SND1: variants seen among roughly 807,000 people sequenced by gnomAD.
SND1 encodes staphylococcal nuclease and tudor domain containing 1.
In SND1, 38 loss-of-function variants were observed where a neutral mutation model predicts 121.7. That is an observed-to-expected ratio of 0.31 (90% CI 0.24 to 0.41). SND1 has a LOEUF of 0.41. SND1 is among the 10% of genes least tolerant of loss of function. The probability of loss-of-function intolerance (pLI) is 1.00; values close to 1 mark genes in which losing one functional copy is unlikely to be tolerated. For synonymous variants in SND1, 401 were observed against 447.4 expected (o/e 0.90, Z 1.31); for missense variants, 868 against 1,184.6 (o/e 0.73, Z 3.92).
At chr7:127,939,344 A>G (rs1485040753) in intron 15 of SND1, among the ~76,000 whole-genome samples, 1 of 152,254 alleles carries the variant, frequency 6.6e-6, no homozygotes, top group Non-Finnish European at 1.5e-5. Context: ...ATTAAAAGAC[A>G]GACTTCCATG....
intron 8 of SND1, among the ~76,000 whole-genome samples, chr7:127,705,484 G>T (rs774866475): frequency 2.0e-4 from 30 of 152,302 alleles, no homozygotes; most frequent in Middle Eastern, 3.4e-3. Context: ...GTTGGCTATC[G>T]TTAAAGCAGA....
intron 13 of SND1, among the ~76,000 whole-genome samples, chr7:127,897,245 A>G (rs1563051328): frequency 1.3e-5 from 2 of 152,176 alleles, no homozygotes; most frequent in African/African-American, 4.8e-5. Context: ...TCTCTGGGCT[A>G]TGGCAATGAA....
chr7:127,960,051 C>G (rs536819869), intron 15 of SND1, among the ~76,000 whole-genome samples: 6 of 152,322 alleles, frequency 3.9e-5, no homozygotes, highest in African/African-American at 1.4e-4. Flanking sequence ...GGAAACAGAT[C>G]TGTTCTTCTA....
intron 10 of SND1, among the ~76,000 whole-genome samples, chr7:127,788,468 T>C (rs1173360215): frequency 2.5e-4 from 38 of 152,236 alleles, no homozygotes; most frequent in Admixed American, 2.4e-3. Context: ...AATTTACTCA[T>C]TTAATAAAGT....
intron 14 of SND1, among the ~76,000 whole-genome samples, chr7:127,908,251 A>G (rs1800381236): frequency 1.3e-5 from 2 of 151,716 alleles, no homozygotes; most frequent in Admixed American, 6.6e-5. Context: ...TCAGGAATGC[A>G]AGACCAACTT....
Position 128,036,846 on chromosome 7 carries a change from A to G in SND1, c.1780-37656A>G, listed in dbSNP as rs1335246123. Reference sequence around the variant, plus strand: ...TGAAAATGCACTTCTGCATGAAAATACACTGGCCCATTCCAGGCCCTTGTG... The same window carrying G: ...TGAAAATGCACTTCTGCATGAAAATGCACTGGCCCATTCCAGGCCCTTGTG... On this transcript the variant is annotated intron_variant, in intron 16 of 23. Coordinates refer to ENST00000354725, the MANE Select transcript of SND1 (RefSeq NM_014390.4). 3.9e-5 allele frequency among the ~76,000 whole-genome samples: 6 copies of G among 152,380 alleles called. 1 individual carries two copies. In the East Asian group the frequency reaches 7.7e-4, roughly 20 times the overall value.
chr7:128,032,451 T>C (rs1386901361), intron 16 of SND1, among the ~76,000 whole-genome samples: 1 of 151,414 alleles, frequency 6.6e-6, no homozygotes, highest in African/African-American at 2.4e-5. Context: ...CGCAGCTATT[T>C]TGGGCCGGTC....
chr7:127,863,965 A>C (rs1799423894), intron 12 of SND1, among the ~76,000 whole-genome samples: 1 of 152,142 alleles, frequency 6.6e-6, no homozygotes, highest in Non-Finnish European at 1.5e-5. Context: ...CAAATGATAA[A>C]ATTTCAAAGT....
intron 17 of SND1, among the ~76,000 whole-genome samples, chr7:128,080,424 G>T (rs961714881): frequency 2.5e-4 from 38 of 152,258 alleles, no homozygotes; most frequent in Non-Finnish European, 2.8e-4. Context: ...CCCAGCTTCT[G>T]GGCTGAGGTC....
In SND1 at chr7:128,029,175, G is replaced by A. The variant is rs1489670061; in HGVS notation, c.1779+38119G>A. On this transcript the variant is annotated intron_variant, in intron 16 of 23. Transcript: ENST00000354725. This position sits in a 1 kb window ranked among gnomAD's most constrained non-coding sequence, Gnocchi z 4.2. ...AGTCTGAATGAGCACCGTGGTAGAG[G>A]TGGTATATGCCGGCTGGTAACCAGT... 1 of 1,614,142 alleles carries A rather than the reference G, an allele frequency of 6.2e-7. No homozygotes were observed. The highest frequency in any genetic ancestry group is 8.5e-7 in the Non-Finnish European group (1 of 1,180,036).
At chr7:127,882,621 A>G (rs915278584) in intron 12 of SND1, among the ~76,000 whole-genome samples, 13 of 151,870 alleles carry the variant, frequency 8.6e-5, no homozygotes, top group Non-Finnish European at 2.9e-5. Flanking sequence ...TAAAAAGAGA[A>G]TGAAAGGGAG....
At chr7:127,856,765 T>C (rs545963400) in intron 12 of SND1, among the ~76,000 whole-genome samples, 1 of 152,350 alleles carries the variant, frequency 6.6e-6, no homozygotes, top group South Asian at 2.1e-4. Flanking sequence ...GGGAACTATA[T>C]TACAGTTCTC....
At chr7:127,779,773 C>T (rs1797684996) in intron 10 of SND1, among the ~76,000 whole-genome samples, 1 of 152,208 alleles carries the variant, frequency 6.6e-6, no homozygotes, top group Non-Finnish European at 1.5e-5. Flanking sequence ...GCTTCATGCG[C>T]TCTGTCCTTT....
At chr7:127,969,230 G>C (rs1204995613) in intron 15 of SND1, among the ~76,000 whole-genome samples, 3 of 152,046 alleles carry the variant, frequency 2.0e-5, no homozygotes, top group Non-Finnish European at 2.9e-5. Context: ...CGGGTGCCTT[G>C]AACCTGGGAA....
intron 16 of SND1, among the ~76,000 whole-genome samples, chr7:128,020,727 A>G (rs1803331301): frequency 6.6e-6 from 1 of 152,160 alleles, no homozygotes; most frequent in Non-Finnish European, 1.5e-5. Context: ...TTACACATGA[A>G]GGGGGAAGGA....
At chr7:128,026,697 G>T (rs534447866) in intron 16 of SND1, among the ~76,000 whole-genome samples, 1 of 152,302 alleles carries the variant, frequency 6.6e-6, no homozygotes, top group Admixed American at 6.5e-5. Flanking sequence ...GGTTCCTCGG[G>T]TAGAGCTGGT....
intron 16 of SND1, among the ~76,000 whole-genome samples, chr7:128,037,517 G>A (rs1037207308): frequency 6.6e-6 from 1 of 152,102 alleles, no homozygotes; most frequent in Non-Finnish European, 1.5e-5. Context: ...ATTTTTCTAG[G>A]GGCTCATTCA....
intron 16 of SND1, among the ~76,000 whole-genome samples, chr7:128,051,539 A>G (rs1793045921): frequency 6.6e-6 from 1 of 152,204 alleles, no homozygotes; most frequent in Non-Finnish European, 1.5e-5. Flanking sequence ...TAGAGAAATC[A>G]TATAGATCAA....
chr7:128,032,507 G>T (rs1280798745), intron 16 of SND1, among the ~76,000 whole-genome samples: 2 of 151,414 alleles, frequency 1.3e-5, no homozygotes, highest in East Asian at 3.9e-4. Context: ...GCGGCGCGGG[G>T]CTGCGGCGGG....
Sources: allele counts gnomAD v4.1 joint callset (sites outside exome capture counted in the v4.1 genomes callset), GRCh38; gene constraint gnomAD v4.1.1; non-coding constraint Gnocchi (gnomAD v3.1); transcripts MANE v1.5; gene names NCBI Gene and HGNC (gene_info 2026-07-23, HGNC 2026-07-21).